PLA2G5: variants seen among roughly 807,000 people sequenced by gnomAD.
The protein encoded by PLA2G5 is phospholipase A2 group V.
A neutral mutation model predicts 15.9 loss-of-function variants in PLA2G5; 12 were observed. The ratio of observed to expected loss-of-function variants is 0.76; its 90% confidence interval spans 0.48 to 1.23. The LOEUF (loss-of-function observed/expected upper bound fraction) is 1.23. PLA2G5 is among the 50% of genes most tolerant of loss of function. PLA2G5 has a pLI of 0.00. For missense variants in PLA2G5, 169 were observed against 177.1 expected (o/e 0.95, Z 0.26); for synonymous variants, 71 against 71.4 (o/e 0.99, Z 0.03).
intron 1 of PLA2G5, among the ~76,000 whole-genome samples, chr1:20,033,760 C>G (rs1172226044): frequency 6.6e-6 from 1 of 151,704 alleles, no homozygotes; most frequent in East Asian, 1.9e-4. Context: ...GTGCTGGGGT[C>G]ATTAAAAGGG....
At chr1:20,040,761 C>A (rs1358264020) in intron 1 of PLA2G5, among the ~76,000 whole-genome samples, 1 of 152,198 alleles carries the variant, frequency 6.6e-6, no homozygotes, top group Non-Finnish European at 1.5e-5. Context: ...CTGCTCAGGG[C>A]AAACTTGCCT....
Position 20,090,841 on chromosome 1 carries a change from T to C in PLA2G5, c.*149T>C. On this transcript the variant is annotated 3_prime_UTR_variant, in exon 5 of 5. Coordinates refer to ENST00000375108, the MANE Select transcript of PLA2G5 (RefSeq NM_000929.3). The stretch of plus-strand genomic sequence containing the variant: ...TTGGCGGACCCCCAGGGCCACACTG[T>C]ACCCTCCAGCGAGTCCCAGGAGAGT... The C allele has an allele frequency of 1.3e-6, 1 of 759,988 alleles. No homozygotes were observed. The highest frequency in any genetic ancestry group is 2.2e-6 in the Non-Finnish European group (1 of 457,322). 47.1% of individuals were successfully genotyped at this position (759,988 alleles called of 1,614,324 possible). A position where few individuals can be genotyped will look rare whatever the true frequency, so the allele number is the denominator to read the frequency against.
chr1:20,071,406 T>G (rs2100536209), intron 1 of PLA2G5, among the ~76,000 whole-genome samples: 1 of 152,192 alleles, frequency 6.6e-6, no homozygotes, highest in Middle Eastern at 3.4e-3. Flanking sequence ...GTTGATTGAT[T>G]TCATCAATAA....
At chr1:20,053,250 A>T (rs898867197) in intron 1 of PLA2G5, among the ~76,000 whole-genome samples, 5 of 152,220 alleles carry the variant, frequency 3.3e-5, no homozygotes, top group Admixed American at 2.6e-4. Flanking sequence ...AGGAATTTTT[A>T]AATTTACAAC....
At chr1:20,067,414 T>C (rs2100507701), upstream of PLA2G5, among the ~76,000 whole-genome samples, 1 of 152,210 alleles carries the variant, frequency 6.6e-6, no homozygotes, top group South Asian at 2.1e-4. Context: ...TAGGCCAGGT[T>C]TGGTGGCTCA....
intron 1 of PLA2G5, among the ~76,000 whole-genome samples, chr1:20,042,116 TG>T (rs1432631104): frequency 1.3e-5 from 2 of 152,158 alleles, no homozygotes; most frequent in Non-Finnish European, 2.9e-5. Flanking sequence ...AATATTGACG[TG>T]TAGTCCTTTT....
chr1:20,031,912 TTG>T (rs2012971263), intron 1 of PLA2G5, among the ~76,000 whole-genome samples: 1 of 152,058 alleles, frequency 6.6e-6, no homozygotes, highest in African/African-American at 2.4e-5. Context: ...AAGTAAGTGT[TTG>T]TGTACTGTCT....
intron 1 of PLA2G5, among the ~76,000 whole-genome samples, chr1:20,048,354 T>C (rs532324314): frequency 6.6e-6 from 1 of 152,298 alleles, no homozygotes; most frequent in African/African-American, 2.4e-5. Context: ...ATTTTATACA[T>C]ATCCCTACCA....
intron 1 of PLA2G5, among the ~76,000 whole-genome samples, chr1:20,073,375 T>C (rs1157237909): frequency 6.6e-6 from 1 of 152,250 alleles, no homozygotes. Flanking sequence ...AAAGTTGAAC[T>C]TGAGCCTGTT....
At chr1:20,033,832 AG>A (rs1438185627) in intron 1 of PLA2G5, among the ~76,000 whole-genome samples, 15 of 152,006 alleles carry the variant, frequency 9.9e-5, no homozygotes, top group Admixed American at 9.8e-4. Context: ...CAGGGGTTCT[AG>A]GATGGGCCTT....
chr1:20,035,015 G>A (rs79336161), intron 1 of PLA2G5, among the ~76,000 whole-genome samples: 42,852 of 151,998 alleles, frequency 0.28, 6,930 homozygotes, highest in Non-Finnish European at 0.37. Flanking sequence ...AGCAGGTCTG[G>A]TTCTAGTTTT....
chr1:20,086,889 G>C (rs1052847508), intron 3 of PLA2G5, among the ~76,000 whole-genome samples: 1 of 152,192 alleles, frequency 6.6e-6, no homozygotes, highest in Non-Finnish European at 1.5e-5. Context: ...GGGAGATTTT[G>C]CTCCTTGGAA....
At chr1:20,031,987 CAG>C (rs1023339527) in intron 1 of PLA2G5, among the ~76,000 whole-genome samples, 5 of 152,018 alleles carry the variant, frequency 3.3e-5, no homozygotes, top group Admixed American at 6.6e-5. Flanking sequence ...GGAGGAGAAA[CAG>C]GGAGATTCTG....
intron 1 of PLA2G5, among the ~76,000 whole-genome samples, chr1:20,083,278 T>A (rs2016123141): frequency 6.6e-6 from 1 of 151,844 alleles, no homozygotes; most frequent in Non-Finnish European, 1.5e-5. Context: ...CCTTCAGGAA[T>A]GTTCTTGGAA....
chr1:20,043,040 T>A (rs1454027594), intron 1 of PLA2G5, among the ~76,000 whole-genome samples: 1 of 152,134 alleles, frequency 6.6e-6, no homozygotes, highest in Non-Finnish European at 1.5e-5. Context: ...ATGGGGGCTG[T>A]TCCTGAAGCC....
chr1:20,044,663 G>A (rs2013798447), intron 1 of PLA2G5, among the ~76,000 whole-genome samples: 1 of 152,126 alleles, frequency 6.6e-6, no homozygotes, highest in Non-Finnish European at 1.5e-5. Context: ...AAATTGTTGG[G>A]CAGGTGGGGG....
upstream of PLA2G5, among the ~76,000 whole-genome samples, chr1:20,068,285 G>T (rs2015156130): frequency 6.6e-6 from 1 of 152,008 alleles, no homozygotes; most frequent in African/African-American, 2.4e-5. Context: ...TGAATTAAAG[G>T]ATTAAAGCCC....
intron 1 of PLA2G5, among the ~76,000 whole-genome samples, chr1:20,074,954 A>G (rs905553108): frequency 1.3e-5 from 2 of 152,110 alleles, no homozygotes; most frequent in Non-Finnish European, 2.9e-5. Context: ...ACACCTCCTA[A>G]GCCTCCTCAC....
chr1:20,083,228 G>A (rs541433773), intron 1 of PLA2G5, among the ~76,000 whole-genome samples: 1 of 152,066 alleles, frequency 6.6e-6, no homozygotes, highest in East Asian at 1.9e-4. Context: ...CAGAGTTGCT[G>A]CTGGACAAGG....
Sources: gnomAD v4.1 joint callset for allele counts (sites outside exome capture counted in the v4.1 genomes callset) on GRCh38, gnomAD v4.1.1 for gene constraint, MANE v1.5 for transcripts, NCBI Gene and HGNC (gene_info 2026-07-23, HGNC 2026-07-21) for gene names.